Variants in UBE4B observed in about 807,000 individuals in gnomAD.
UBE4B encodes the protein ubiquitin conjugation factor E4 B.
In UBE4B, 27 loss-of-function variants were observed where a neutral mutation model predicts 148.1. The observed-to-expected ratio is 0.18, with a 90% CI of 0.13 to 0.25. The LOEUF (loss-of-function observed/expected upper bound fraction) is 0.25. UBE4B is among the 10% of genes least tolerant of loss of function. UBE4B has a pLI of 1.00. For synonymous variants in UBE4B, 596 were observed against 619.3 expected, an observed-to-expected ratio of 0.96 and a Z score of 0.56; for missense variants, 1,170 against 1,662.4, an observed-to-expected ratio of 0.70 and a Z score of 5.15.
At chr1:10,050,254 T>C (rs1644007805) in intron 1 of UBE4B, among the ~76,000 whole-genome samples, 2 of 152,192 alleles carry the variant, frequency 1.3e-5, no homozygotes, top group Non-Finnish European at 2.9e-5. Flanking sequence ...GTATGTTTAG[T>C]AGAGACCAGG....
intron 5 of UBE4B, among the ~76,000 whole-genome samples, chr1:10,104,100 C>T (rs911979751): frequency 4.3e-4 from 65 of 152,190 alleles, no homozygotes; most frequent in African/African-American, 1.5e-3. Flanking sequence ...GGGTGGTCTC[C>T]AGGGATCCTG....
rs1047247771 is a variant in UBE4B, at chr1:10,180,617, T to G, written c.*661T>G. 2.7e-5 allele frequency: 4 copies of G among 148,542 alleles called. No individual in the cohort carries two copies. Among genetic ancestry groups the G allele is most frequent in the South Asian group, 2.2e-4 (1 of 4,500 alleles). 9.2% of individuals were successfully genotyped at this position (148,542 alleles called of 1,614,324 possible). A position where few individuals can be genotyped will look rare whatever the true frequency, so the allele number is the denominator to read the frequency against. On this transcript the variant is annotated 3_prime_UTR_variant, in exon 28 of 28. Coordinates refer to ENST00000343090, the MANE Select transcript of UBE4B (RefSeq NM_001105562.3). The stretch of plus-strand genomic sequence containing the variant: ...GATATTTTCAGAATTTGAATTTCAG[T>G]TTTTTTTTTCTTTTGAAATGTCCCT...
intron 15 of UBE4B, among the ~76,000 whole-genome samples, chr1:10,133,032 G>A (rs1645620857): frequency 6.6e-6 from 1 of 152,098 alleles, no homozygotes; most frequent in African/African-American, 2.4e-5. Flanking sequence ...CACAAAAGCT[G>A]CTATGTAGAC....
At chr1:10,124,022 G>A (rs886573016) in intron 10 of UBE4B, among the ~76,000 whole-genome samples, 4 of 152,052 alleles carry the variant, frequency 2.6e-5, no homozygotes, top group Non-Finnish European at 4.4e-5. Context: ...TGATCCACCC[G>A]CCTCAGCCGC....
At chr1:10,125,123 C>T (rs1159339795) in intron 10 of UBE4B, among the ~76,000 whole-genome samples, 1 of 151,810 alleles carries the variant, frequency 6.6e-6, no homozygotes, top group African/African-American at 2.4e-5. Flanking sequence ...GAAATTGTGT[C>T]TGGAAAAAAG....
intron 1 of UBE4B, among the ~76,000 whole-genome samples, chr1:10,059,896 C>G (rs1644252724): frequency 6.6e-6 from 1 of 152,280 alleles, no homozygotes; most frequent in East Asian, 1.9e-4. Flanking sequence ...TTCTTCTACC[C>G]AGGAGAGCTG....
chr1:10,073,118 A>G (rs1439918706), intron 2 of UBE4B: 1 of 152,340 alleles, frequency 6.6e-6, no homozygotes, highest in Non-Finnish European at 1.5e-5. Context: ...CTTGCCTATA[A>G]TGTTTCCTCT....
In UBE4B at chr1:10,158,423, C is replaced by T. The variant is rs959479617; in HGVS notation, c.2994C>T (p.Thr998=). ...TCACAATTCGCTATCATATTAGCAC[C>T]ATTTTTAAAAGCCTTTGGCAAAACA... ...DKFTIRYHIS[T]IFKSLWQNIA... Residue 998 remains threonine (T), a synonymous_variant, in exon 22 of 28, where the codon ACC becomes ACT. Transcript: ENST00000343090. 3 of 1,614,034 alleles carry T rather than the reference C, an allele frequency of 1.9e-6. No homozygotes were observed. The African/African-American group carries it at 4.0e-5, about 22-fold the overall frequency.
At chr1:10,125,474 C>T (rs1645478326) in intron 10 of UBE4B, among the ~76,000 whole-genome samples, 1 of 152,228 alleles carries the variant, frequency 6.6e-6, no homozygotes, top group Admixed American at 6.5e-5. Context: ...TCTCACAACA[C>T]TCCACGGACA....
At chr1:10,094,293 A>G (rs1358375226) in intron 2 of UBE4B, among the ~76,000 whole-genome samples, 1 of 151,934 alleles carries the variant, frequency 6.6e-6, no homozygotes, top group Non-Finnish European at 1.5e-5. Flanking sequence ...CAATAAATGG[A>G]TCGATCTATA....
chr1:10,176,249 T>G (rs1351229735), intron 25 of UBE4B, among the ~76,000 whole-genome samples: 4 of 152,254 alleles, frequency 2.6e-5, no homozygotes, highest in African/African-American at 9.6e-5. Flanking sequence ...CCTCATCCAT[T>G]GATAGACATT....
In UBE4B at chr1:10,033,530, C is replaced by T; in HGVS notation, c.-141C>T. On this transcript the variant is annotated 5_prime_UTR_variant, in exon 1 of 28. Coordinates refer to ENST00000343090, the MANE Select transcript of UBE4B (RefSeq NM_001105562.3). ...GCCTCTCGTGTTCTTATTTTTTAAC[C>T]TCTGACTATGCAATTCTGAAACCTC... 9.7e-7 allele frequency: 1 copy of T among 1,035,146 alleles called. No homozygotes were observed. The highest frequency in any genetic ancestry group is 1.3e-6 in the Non-Finnish European group (1 of 757,658). 64.1% of individuals were successfully genotyped at this position (1,035,146 alleles called of 1,614,324 possible). A position where few individuals can be genotyped will look rare whatever the true frequency, so the allele number is the denominator to read the frequency against.
chr1:10,069,857 A>T (rs1557527291), intron 1 of UBE4B, among the ~76,000 whole-genome samples: 1 of 152,178 alleles, frequency 6.6e-6, no homozygotes, highest in African/African-American at 2.4e-5. Context: ...TTGTGCAGAA[A>T]CTGAAGCAGA....
chr1:10,130,000 A>G (rs569660393), intron 12 of UBE4B, among the ~76,000 whole-genome samples: 1 of 152,030 alleles, frequency 6.6e-6, no homozygotes, highest in South Asian at 2.1e-4. Flanking sequence ...AACAAGAGGT[A>G]TGGAAAAGTT....
At chr1:10,105,944 T>C (rs1291571396) in intron 6 of UBE4B, among the ~76,000 whole-genome samples, 200 bp downstream of exon 6, 2 of 152,172 alleles carry the variant, frequency 1.3e-5, no homozygotes, top group South Asian at 4.1e-4. Context: ...GGTTAAGATA[T>C]TGCTAGATGA....
intron 23 of UBE4B, among the ~76,000 whole-genome samples, chr1:10,164,485 G>C (rs1646217080): frequency 6.6e-6 from 1 of 152,206 alleles, no homozygotes; most frequent in African/African-American, 2.4e-5. Flanking sequence ...AAAATGCTGG[G>C]ATTATAGTTG....
In UBE4B at chr1:10,177,984, C is replaced by T. The variant is rs1029400576; in HGVS notation, c.3526-660C>T. Among the ~76,000 whole-genome samples the T allele has an allele frequency of 3.3e-5, 5 of 151,944 alleles. No individual in the cohort carries two copies. The East Asian group carries it at 5.8e-4, about 18-fold the overall frequency. On this transcript the variant is annotated intron_variant, in intron 25 of 27. Coordinates refer to ENST00000343090, the MANE Select transcript of UBE4B (RefSeq NM_001105562.3). ...TCAAGTTCAGATTTGTCTGGGTCCA[C>T]GGTGGGCGCCTGACCTCCACTCCAC...
intron 16 of UBE4B, among the ~76,000 whole-genome samples, chr1:10,135,459 C>T (rs1645664191): frequency 6.6e-6 from 1 of 152,022 alleles, no homozygotes; most frequent in Non-Finnish European, 1.5e-5. Context: ...CAAAAATTAG[C>T]TGGGCATGGT....
chr1:10,050,473 G>C (rs759663394), intron 1 of UBE4B, among the ~76,000 whole-genome samples: 2 of 152,166 alleles, frequency 1.3e-5, no homozygotes, highest in African/African-American at 2.4e-5. Context: ...GTAGGTGATA[G>C]GGAGAAGTTG....
Sources: gnomAD v4.1 joint callset for allele counts (sites outside exome capture counted in the v4.1 genomes callset) on GRCh38, gnomAD v4.1.1 for gene constraint, MANE v1.5 for transcripts, NCBI Gene and HGNC (gene_info 2026-07-23, HGNC 2026-07-21) for gene names.